Variants in PCDHA5 observed in about 807,000 individuals in gnomAD.
The protein encoded by PCDHA5 is protocadherin alpha 5, also known as protocadherin alpha-5.
Under a neutral mutation model 61.6 loss-of-function variants are expected in PCDHA5, and 43 were observed. The ratio of observed to expected loss-of-function variants is 0.70; its 90% CI spans 0.55 to 0.90. The LOEUF (loss-of-function observed/expected upper bound fraction) is 0.90. PCDHA5 is among the 40% of genes least tolerant of loss of function. The probability of loss-of-function intolerance (pLI) is 0.00; values close to 1 mark genes in which losing one functional copy is unlikely to be tolerated. For synonymous variants in PCDHA5, 627 were observed against 543.9 expected, an observed-to-expected ratio of 1.15 and a Z score of -2.13; for missense variants, 1,298 against 1,222.7, an observed-to-expected ratio of 1.06 and a Z score of -0.92.
At chr5:140,955,654 A>G (rs2095214723) in intron 1 of PCDHA5, among the ~76,000 whole-genome samples, 1 of 152,208 alleles carries the variant, frequency 6.6e-6, no homozygotes, top group South Asian at 2.1e-4. Flanking sequence ...TAATACACAT[A>G]TGAATTTTAA....
intron 1 of PCDHA5, among the ~76,000 whole-genome samples, chr5:140,899,726 T>A (rs1406076879): frequency 6.6e-6 from 1 of 152,236 alleles, no homozygotes; most frequent in East Asian, 1.9e-4. Flanking sequence ...CCTCTTTTTC[T>A]ATTGATTGGA....
At chr5:140,939,243 T>C (rs1414943094) in intron 1 of PCDHA5, among the ~76,000 whole-genome samples, 1 of 152,168 alleles carries the variant, frequency 6.6e-6, no homozygotes, top group Non-Finnish European at 1.5e-5. Context: ...AGGAGCAAGG[T>C]AGCTCTCTGG....
At chr5:140,927,780 T>C (rs1189193877) in intron 1 of PCDHA5, 5 of 1,614,090 alleles carry the variant, frequency 3.1e-6, no homozygotes, top group African/African-American at 1.3e-5. Flanking sequence ...TGCAAGTAGC[T>C]GCTTCACTAG....
At chr5:140,888,972 G>A (rs900678700) in intron 1 of PCDHA5, among the ~76,000 whole-genome samples, 15 of 151,928 alleles carry the variant, frequency 9.9e-5, no homozygotes, top group Non-Finnish European at 4.4e-5. Context: ...TTAATGTGTT[G>A]AATTTATGAT....
chr5:140,869,442 G>A (rs782686984), intron 1 of PCDHA5: 3 of 1,614,208 alleles, frequency 1.9e-6, no homozygotes, highest in African/African-American at 1.3e-5. Flanking sequence ...TGGACAGGCC[G>A]CTGCAGGTTT....
intron 1 of PCDHA5, chr5:140,927,108 C>A (rs782811125): frequency 6.2e-7 from 1 of 1,613,646 alleles, no homozygotes; most frequent in Non-Finnish European, 8.5e-7. Context: ...ATCTACCCAG[C>A]GGCAATTTGG....
chr5:140,863,039 T>A (rs530548492), intron 1 of PCDHA5: 24 of 558,728 alleles, frequency 4.3e-5, no homozygotes, highest in South Asian at 3.2e-4. Flanking sequence ...GCTGCATCTG[T>A]CAGCTGGCAG....
intron 1 of PCDHA5, chr5:140,877,968 C>A: frequency 7.9e-7 from 1 of 1,272,970 alleles, no homozygotes; most frequent in Non-Finnish European, 1.0e-6. Context: ...CTTTCTTGGT[C>A]ATTCTTACTC....
chr5:140,877,063 C>T (rs782051698), intron 1 of PCDHA5: 21 of 1,612,898 alleles, frequency 1.3e-5, no homozygotes, highest in East Asian at 2.2e-5. Context: ...GCTGGAGCTG[C>T]TGCAGTTCCA....
chr5:140,890,565 T>C (rs1381687393), intron 1 of PCDHA5, among the ~76,000 whole-genome samples: 1 of 152,194 alleles, frequency 6.6e-6, no homozygotes, highest in Non-Finnish European at 1.5e-5. Context: ...TATTGTTCCA[T>C]TTCCTTCTGT....
chr5:140,897,727 T>G (rs1468942464), intron 1 of PCDHA5, among the ~76,000 whole-genome samples: 1 of 152,148 alleles, frequency 6.6e-6, no homozygotes, highest in Non-Finnish European at 1.5e-5. Context: ...CTGGGTCAAA[T>G]AGTATTTCTA....
intron 1 of PCDHA5, chr5:140,849,824 G>A (rs2150452119): frequency 3.1e-6 from 5 of 1,598,646 alleles, no homozygotes; most frequent in Non-Finnish European, 2.6e-6. Flanking sequence ...GGGTGTCTGT[G>A]GAGGTGGCCG....
intron 1 of PCDHA5, chr5:140,877,942 C>T: frequency 7.3e-7 from 1 of 1,367,876 alleles, no homozygotes; most frequent in Admixed American, 3.1e-5. Flanking sequence ...ATCCTTTAAA[C>T]TATCGAATGT....
chr5:140,921,283 C>T (rs1484079224), intron 1 of PCDHA5, among the ~76,000 whole-genome samples: 2 of 151,974 alleles, frequency 1.3e-5, no homozygotes, highest in Non-Finnish European at 2.9e-5. Flanking sequence ...TTGAAAAAAA[C>T]CTCAAATTTG....
At chr5:140,978,594 G>C (rs184264823) in intron 1 of PCDHA5, among the ~76,000 whole-genome samples, 31 of 152,288 alleles carry the variant, frequency 2.0e-4, no homozygotes, top group African/African-American at 7.5e-4. Flanking sequence ...CCCTTAATGG[G>C]GCACTTGAGG....
At chr5:140,849,684 C>T (rs2150445118) in intron 1 of PCDHA5, 9 of 1,598,608 alleles carry the variant, frequency 5.6e-6, no homozygotes, top group African/African-American at 2.7e-5. Context: ...CCCCTTCAAG[C>T]TGGTGTCCAC....
intron 1 of PCDHA5, among the ~76,000 whole-genome samples, chr5:140,963,991 A>G (rs1232646749): frequency 1.3e-5 from 2 of 152,190 alleles, no homozygotes; most frequent in Admixed American, 6.5e-5. Context: ...ATTCCTAATT[A>G]CTGTGTTCTA....
chr5:140,880,978 T>A lies in PCDHA5; in HGVS notation c.2352+56851T>A, dbSNP rs570855539. Among the ~76,000 whole-genome samples the A allele has an allele frequency of 3.6e-4, 55 of 152,312 alleles. No individual in the cohort carries two copies. The South Asian group carries it at 9.1e-3, about 25-fold the overall frequency. On this transcript the variant is annotated intron_variant, in intron 1 of 3. Coordinates refer to ENST00000529859, the MANE Select transcript of PCDHA5 (RefSeq NM_018908.3). ...ATGAGGGTAAGAGAATACCAAATACTCTGCCTAAATTTTCAGAGGAGAGCA... is the reference window on the plus strand; with the variant it reads ...ATGAGGGTAAGAGAATACCAAATACACTGCCTAAATTTTCAGAGGAGAGCA...
At chr5:140,846,304 C>T (rs183413454) in intron 1 of PCDHA5, among the ~76,000 whole-genome samples, 1 of 148,754 alleles carries the variant, frequency 6.7e-6, no homozygotes, top group East Asian at 1.9e-4. Flanking sequence ...ATTAAGTAAA[C>T]CATTTATGTA....
Sources: gnomAD v4.1 joint callset for allele counts (sites outside exome capture counted in the v4.1 genomes callset) on GRCh38, gnomAD v4.1.1 for gene constraint, MANE v1.5 for transcripts, NCBI Gene and HGNC (gene_info 2026-07-23, HGNC 2026-07-21) for gene names.